Variants in STK3 observed in about 807,000 individuals in gnomAD.
STK3 encodes serine/threonine kinase 3, also known as serine/threonine-protein kinase 3.
In STK3, 41 loss-of-function variants were observed where a neutral mutation model predicts 58.0. That is an observed-to-expected ratio of 0.71 (90% CI 0.55 to 0.92). The LOEUF (loss-of-function observed/expected upper bound fraction) is 0.92, where lower values mean the gene tolerates loss of function less well. Among genes scored for constraint, STK3 ranks in the 40% least tolerant of loss-of-function variants. STK3 has a pLI of 0.00. For missense variants in STK3, 479 were observed against 602.7 expected (o/e 0.79, Z 2.15); for synonymous variants, 170 against 191.0 (o/e 0.89, Z 0.91).
chr8:98,650,507 G>A (rs572131061), intron 6 of STK3, among the ~76,000 whole-genome samples: 5 of 152,346 alleles, frequency 3.3e-5, no homozygotes, highest in Non-Finnish European at 5.9e-5. Context: ...GGGGTGCAGC[G>A]CACCATGCGC....
intron 8 of STK3, among the ~76,000 whole-genome samples, chr8:98,563,444 T>C (rs1487165442): frequency 2.6e-5 from 4 of 152,222 alleles, no homozygotes; most frequent in Non-Finnish European, 5.9e-5. Flanking sequence ...TATATAGTTA[T>C]AAATGTGTAT....
At chr8:98,358,001 C>G in the STK3 span, among the ~76,000 whole-genome samples, 1 of 152,118 alleles carries the variant, frequency 6.6e-6, no homozygotes, top group African/African-American at 2.4e-5. Context: ...ATCAACAGAC[C>G]CCCTTCAATA....
At chr8:98,677,363 T>TGGCTCGCC (rs1327481345) in intron 6 of STK3, among the ~76,000 whole-genome samples, 1 of 42,474 alleles carries the variant, frequency 2.4e-5, no homozygotes, top group Non-Finnish European at 4.8e-5. Flanking sequence ...CCACCCAACT[T>TGGCTCGCC]ACTCCTCTTC....
intron 3 of STK3, among the ~76,000 whole-genome samples, chr8:98,844,504 T>G (rs144486855): frequency 7.4e-4 from 113 of 152,282 alleles, no homozygotes; most frequent in African/African-American, 2.3e-3. Context: ...TTGGCTCTGT[T>G]GCCCAAGCAG....
At chr8:98,525,387 T>C (rs1296219509) in intron 10 of STK3, among the ~76,000 whole-genome samples, 2 of 150,806 alleles carry the variant, frequency 1.3e-5, no homozygotes, top group African/African-American at 2.4e-5. Flanking sequence ...AATATATCCA[T>C]GTAAATTTAA....
intron 6 of STK3, among the ~76,000 whole-genome samples, chr8:98,692,137 G>C (rs1049267703): frequency 1.3e-5 from 2 of 152,230 alleles, no homozygotes; most frequent in Non-Finnish European, 1.5e-5. Flanking sequence ...ACAAGTGCTA[G>C]CAGGAACGTG....
At chr8:98,494,654 CA>C (rs398008984) in intron 10 of STK3, among the ~76,000 whole-genome samples, 1,442 of 40,392 alleles carry the variant, frequency 0.036, 6 homozygotes, top group Non-Finnish European at 0.038. Context: ...GACCCTGTCT[CA>C]AAAAAAAAAA....
intron 4 of STK3, among the ~76,000 whole-genome samples, chr8:98,721,918 T>C (rs1370264201): frequency 6.6e-6 from 1 of 152,146 alleles, no homozygotes; most frequent in Non-Finnish European, 1.5e-5. Flanking sequence ...GCACCTACTC[T>C]AGATTTAATT....
At chr8:98,481,268 C>T (rs1821829755) in intron 10 of STK3, among the ~76,000 whole-genome samples, 1 of 151,912 alleles carries the variant, frequency 6.6e-6, no homozygotes, top group South Asian at 2.1e-4. Context: ...AATAGCTACC[C>T]TAGATGTTTA....
At chr8:98,362,774 AGCCCAGG>A in the STK3 span, among the ~76,000 whole-genome samples, 1 of 152,192 alleles carries the variant, frequency 6.6e-6, no homozygotes, top group African/African-American at 2.4e-5. Context: ...GTCACAGCTA[AGCCCAGG>A]GCTGTGCAGA....
intron 3 of STK3, chr8:98,427,756 A>G: frequency 4.1e-6 from 2 of 493,200 alleles, no homozygotes; most frequent in Non-Finnish European, 7.2e-6. Context: ...CTGTGCTAAT[A>G]GAAACATACC....
Position 98,790,812 on chromosome 8 carries a change from G to A in STK3, c.27-15993C>T, listed in dbSNP as rs572709058. 3.9e-5 allele frequency among the ~76,000 whole-genome samples: 6 copies of A among 152,088 alleles called. No homozygotes were observed. In the South Asian group the frequency reaches 8.3e-4, roughly 21 times the overall value. ...AGCCTGGCCAACATAGTGAAACCCC[G>A]TCTCTACTAAAAATACAAAAACTTA... is the stretch of plus-strand genomic sequence containing the variant. On this transcript the variant is annotated intron_variant, in intron 1 of 10. Coordinates refer to ENST00000419617, the MANE Select transcript of STK3 (RefSeq NM_006281.4).
intron 3 of STK3, among the ~76,000 whole-genome samples, chr8:98,416,053 C>A (rs1433970638): frequency 1.3e-5 from 2 of 152,184 alleles, no homozygotes; most frequent in African/African-American, 4.8e-5. Context: ...TGTACTTCCA[C>A]AGCAGAGGGA....
chr8:98,512,757 A>C (rs1427479335), intron 10 of STK3, among the ~76,000 whole-genome samples: 1 of 152,168 alleles, frequency 6.6e-6, no homozygotes, highest in Non-Finnish European at 1.5e-5. Flanking sequence ...CTGTTCAATA[A>C]AAAATAACTT....
chr8:98,730,137 A>C (rs1828071842), intron 4 of STK3, among the ~76,000 whole-genome samples: 1 of 152,194 alleles, frequency 6.6e-6, no homozygotes, highest in Non-Finnish European at 1.5e-5. Flanking sequence ...TTGTTCTAAA[A>C]CTGTAACAGT....
At chr8:98,367,346 G>A (rs1224589617), downstream of STK3, among the ~76,000 whole-genome samples, 7 of 152,190 alleles carry the variant, frequency 4.6e-5, no homozygotes, top group Non-Finnish European at 7.3e-5. Context: ...TGAGTCAGTG[G>A]GGGTGAGTGC....
At chr8:98,612,908 C>T (rs1332621619) in intron 6 of STK3, among the ~76,000 whole-genome samples, 1 of 152,188 alleles carries the variant, frequency 6.6e-6, no homozygotes, top group Non-Finnish European at 1.5e-5. Context: ...AGTAAAAGGA[C>T]AGCCCCCCCT....
intron 4 of STK3, among the ~76,000 whole-genome samples, chr8:98,708,700 AT>A (rs1826152018): frequency 2.6e-5 from 4 of 152,210 alleles, no homozygotes; most frequent in Admixed American, 1.3e-4. Flanking sequence ...GTAGTGTGAT[AT>A]TATGAAATCA....
At chr8:98,634,004 G>A (rs1333966960) in intron 6 of STK3, 1 of 176,604 alleles carries the variant, frequency 5.7e-6, no homozygotes, top group Non-Finnish European at 1.2e-5. Context: ...ATTAGTTGGT[G>A]ATGTGGAGTA....
Sources: allele counts gnomAD v4.1 joint callset (sites outside exome capture counted in the v4.1 genomes callset), GRCh38; gene constraint gnomAD v4.1.1; transcripts MANE v1.5; gene names NCBI Gene and HGNC (gene_info 2026-07-23, HGNC 2026-07-21).